Variants in PCBP3 observed in about 807,000 individuals in gnomAD.
PCBP3 encodes poly(rC) binding protein 3, also known as poly(rC)-binding protein 3.
PCBP3 carries 25 observed loss-of-function variants against 52.7 expected under a neutral mutation model. The observed-to-expected ratio is 0.47, with a 90% CI of 0.35 to 0.66. The LOEUF (loss-of-function observed/expected upper bound fraction) is 0.66, where lower values mean the gene tolerates loss of function less well. Among genes scored for constraint, PCBP3 ranks in the 30% least tolerant of loss-of-function variants. PCBP3 has a pLI of 0.01. For synonymous variants in PCBP3, 162 were observed against 183.0 expected (o/e 0.89, Z 0.93); for missense variants, 391 against 490.3 (o/e 0.80, Z 1.91).
chr21:45,844,191 A>G (rs1426223741), intron 4 of PCBP3, among the ~76,000 whole-genome samples: 1 of 151,988 alleles, frequency 6.6e-6, no homozygotes, highest in Non-Finnish European at 1.5e-5. Flanking sequence ...TCCAGCTCCA[A>G]GGCTGCCCTT....
At chr21:45,899,788 G>C (rs530678376) in intron 7 of PCBP3, among the ~76,000 whole-genome samples, 166 bp downstream of exon 7, 4 of 152,292 alleles carry the variant, frequency 2.6e-5, no homozygotes, top group African/African-American at 9.6e-5. Flanking sequence ...CCTTTATGCT[G>C]TATGACATTG....
Position 45,802,798 on chromosome 21 carries a change from C to T in PCBP3, c.-125-47163C>T, listed in dbSNP as rs566395482. ...AGGAGGCAGGGATGGGAAGGGTCCCCGAGGGCCCTGAGCAGGGCTAACCCT... is the reference window on the plus strand; with the variant it reads ...AGGAGGCAGGGATGGGAAGGGTCCCTGAGGGCCCTGAGCAGGGCTAACCCT... On this transcript the variant is annotated intron_variant, in intron 4 of 17. Coordinates refer to ENST00000681687, the MANE Select transcript of PCBP3 (RefSeq NM_001384156.1). The surrounding 1 kb of genome is among the most constrained non-coding windows in gnomAD (Gnocchi z 5.1). Among the ~76,000 whole-genome samples, 4 of 152,226 alleles carry T rather than the reference C, an allele frequency of 2.6e-5. No individual in the cohort carries two copies. Among genetic ancestry groups the T allele is most frequent in the South Asian group, 2.1e-4 (1 of 4,824 alleles).
intron 4 of PCBP3, among the ~76,000 whole-genome samples, chr21:45,779,208 G>A (rs1408746400): frequency 6.6e-6 from 1 of 152,218 alleles, no homozygotes; most frequent in African/African-American, 2.4e-5. Context: ...GGGAGTTGTA[G>A]GACCCAGCAT....
chr21:45,813,986 T>G (rs964593846), intron 4 of PCBP3, among the ~76,000 whole-genome samples: 2 of 152,242 alleles, frequency 1.3e-5, no homozygotes, highest in Non-Finnish European at 2.9e-5. Context: ...TTCCTCCCTG[T>G]GTGAACATCA....
At chr21:45,793,896 G>T (rs568574017) in intron 4 of PCBP3, among the ~76,000 whole-genome samples, 1 of 152,264 alleles carries the variant, frequency 6.6e-6, no homozygotes, top group South Asian at 2.1e-4. Flanking sequence ...GAGGTTACCA[G>T]CCTCATCCCT....
chr21:45,894,635 C>T (rs1002297363), intron 5 of PCBP3, among the ~76,000 whole-genome samples: 3 of 152,220 alleles, frequency 2.0e-5, no homozygotes, highest in Admixed American at 1.3e-4. Context: ...CAGAGCTGTC[C>T]GCGCTGCCAG....
intron 13 of PCBP3, among the ~76,000 whole-genome samples, chr21:45,919,638 G>C (rs762751634): frequency 3.5e-4 from 54 of 152,188 alleles, no homozygotes; most frequent in Non-Finnish European, 6.8e-4. Flanking sequence ...GTGGTTCCTG[G>C]CGTCAGACCT....
chr21:45,738,177 T>C (rs778327791), intron 3 of PCBP3, among the ~76,000 whole-genome samples: 18 of 152,176 alleles, frequency 1.2e-4, no homozygotes, highest in Admixed American at 2.0e-4. Context: ...GAAGTAGTAA[T>C]GAATACTTCA....
chr21:45,815,589 G>T (rs1160635385), intron 4 of PCBP3, among the ~76,000 whole-genome samples: 2 of 91,984 alleles, frequency 2.2e-5, no homozygotes. Flanking sequence ...TGGTGAGTGA[G>T]TGGTGAGTGA....
At chr21:45,750,476 A>G (rs1228800162) in intron 3 of PCBP3, 2 of 142,782 alleles carry the variant, frequency 1.4e-5, no homozygotes, top group Admixed American at 7.5e-5. Context: ...ACTGTCCTCG[A>G]GGATTTTGTG....
intron 4 of PCBP3, among the ~76,000 whole-genome samples, chr21:45,813,821 CTTTATT>C (rs2092751028): frequency 6.6e-6 from 1 of 152,220 alleles, no homozygotes; most frequent in African/African-American, 2.4e-5. Flanking sequence ...TCTGCCATCT[CTTTATT>C]TTTATGGACT....
Position 45,788,186 on chromosome 21 carries a change from AG to A in PCBP3, c.-126+32735del, listed in dbSNP as rs1184771341. 6.6e-6 allele frequency: 1 copy of A among 152,444 alleles called. No individual in the cohort carries two copies. The highest frequency in any genetic ancestry group is 1.5e-5 in the Non-Finnish European group (1 of 68,266). 9.4% of individuals were successfully genotyped at this position (152,444 alleles called of 1,614,324 possible). On this transcript the variant is annotated intron_variant, in intron 4 of 17. Coordinates refer to ENST00000681687, the MANE Select transcript of PCBP3 (RefSeq NM_001384156.1). This position sits in a 1 kb window ranked among gnomAD's most constrained non-coding sequence, Gnocchi z 4.3. ...ACAAGGTGTCCTGTGAACCCCCCACAGTCAGATGGGTGAGGGATGGGGAGGG... is the reference window on the plus strand; with the variant it reads ...ACAAGGTGTCCTGTGAACCCCCCACATCAGATGGGTGAGGGATGGGGAGGG...
At chr21:45,876,011 G>A (rs1171934013) in intron 5 of PCBP3, among the ~76,000 whole-genome samples, 3 of 152,190 alleles carry the variant, frequency 2.0e-5, no homozygotes, top group African/African-American at 7.2e-5. Flanking sequence ...TGTGGGGTGA[G>A]GAATGTTCCC....
intron 2 of PCBP3, among the ~76,000 whole-genome samples, chr21:45,698,105 A>G (rs929636910): frequency 7.2e-5 from 11 of 152,196 alleles, no homozygotes; most frequent in African/African-American, 2.2e-4. Context: ...TACAAGTTAG[A>G]AAACAGGAGT....
chr21:45,769,286 T>A (rs1261640112), intron 4 of PCBP3, among the ~76,000 whole-genome samples: 1 of 152,232 alleles, frequency 6.6e-6, no homozygotes, highest in Non-Finnish European at 1.5e-5. Flanking sequence ...TACACAGGTT[T>A]CTACAGTTGA....
intron 10 of PCBP3, among the ~76,000 whole-genome samples, 176 bp downstream of exon 10, chr21:45,909,662 A>G (rs2149230284): frequency 6.6e-6 from 1 of 151,660 alleles, no homozygotes; most frequent in African/African-American, 2.4e-5. Context: ...ATGAGCAAGC[A>G]CAACTGCACT....
chr21:45,702,374 C>T (rs2083183936), intron 2 of PCBP3, among the ~76,000 whole-genome samples: 1 of 152,138 alleles, frequency 6.6e-6, no homozygotes, highest in Admixed American at 6.5e-5. Context: ...GATAATTTCA[C>T]CACTAAGCTC....
At position 45,687,153 on chromosome 21, in the gene PCBP3, A is replaced by C. The variant is rs189416282; in HGVS notation, c.-200+18201A>C. ...GAATAGGCATGGATTTCTCATCAGC[A>C]ATTAGCCAAAAAAGAAAAAAACAGT... On this transcript the variant is annotated intron_variant, in intron 2 of 17. Coordinates refer to ENST00000681687, the MANE Select transcript of PCBP3 (RefSeq NM_001384156.1). 3.1e-4 allele frequency among the ~76,000 whole-genome samples: 47 copies of C among 152,300 alleles called. 1 individual carries two copies. Among genetic ancestry groups the C allele is most frequent in the African/African-American group, 1.1e-3 (47 of 41,564 alleles).
At chr21:45,923,552 C>A in intron 13 of PCBP3, among the ~76,000 whole-genome samples, 1 of 152,158 alleles carries the variant, frequency 6.6e-6, no homozygotes, top group Middle Eastern at 3.2e-3. Flanking sequence ...CGAGACTTTG[C>A]ATCTTTACAG....
Sources: allele counts gnomAD v4.1 joint callset (sites outside exome capture counted in the v4.1 genomes callset), GRCh38; gene constraint gnomAD v4.1.1; non-coding constraint Gnocchi (gnomAD v3.1); transcripts MANE v1.5; gene names NCBI Gene and HGNC (gene_info 2026-07-23, HGNC 2026-07-21).